AKR1B1: variants seen among roughly 807,000 people sequenced by gnomAD.
The protein encoded by AKR1B1 is aldo-keto reductase family 1 member B1.
A neutral mutation model predicts 40.4 loss-of-function variants in AKR1B1; 22 were observed. The ratio of observed to expected loss-of-function variants is 0.54; its 90% CI spans 0.39 to 0.78. The LOEUF (loss-of-function observed/expected upper bound fraction) is 0.78, where lower values mean the gene tolerates loss of function less well. AKR1B1 is among the 30% of genes least tolerant of loss of function. The pLI is 0.00. For synonymous variants in AKR1B1, 157 were observed against 149.9 expected (o/e 1.05, Z -0.35); for missense variants, 357 against 396.7 (o/e 0.90, Z 0.85).
chr7:134,454,766 T>C (rs547052899), intron 1 of AKR1B1, among the ~76,000 whole-genome samples: 40 of 152,096 alleles, frequency 2.6e-4, no homozygotes, highest in African/African-American at 9.6e-4. Context: ...GTAGGAAGCA[T>C]GAGAATGCTG....
chr7:134,455,677 G>A (rs74545735), intron 1 of AKR1B1, among the ~76,000 whole-genome samples: 1,715 of 152,090 alleles, frequency 0.011, 41 homozygotes, highest in African/African-American at 0.039. Flanking sequence ...TCTACCTTCT[G>A]GATTCAAGTG....
chr7:134,458,530 C>T (rs1806561115), intron 1 of AKR1B1, among the ~76,000 whole-genome samples: 1 of 152,172 alleles, frequency 6.6e-6, no homozygotes, highest in Non-Finnish European at 1.5e-5. Context: ...GTGAGGCAAC[C>T]GGGCTACAGG....
At chr7:134,444,302 G>GC (rs1371977170) in intron 9 of AKR1B1, among the ~76,000 whole-genome samples, 20 of 152,388 alleles carry the variant, frequency 1.3e-4, no homozygotes, top group Middle Eastern at 6.8e-3. Context: ...TGTGGCAGCA[G>GC]CAGGCTTGCC....
chr7:134,444,416 C>T (rs1415070645), intron 9 of AKR1B1, among the ~76,000 whole-genome samples: 4 of 152,196 alleles, frequency 2.6e-5, no homozygotes, highest in Admixed American at 6.5e-5. Flanking sequence ...GTGCAAACTC[C>T]GGGGAGGGAG....
intron 2 of AKR1B1, chr7:134,451,216 C>CTA (rs1324777969): frequency 7.6e-5 from 41 of 538,828 alleles, no homozygotes; most frequent in Non-Finnish European, 1.3e-4. Context: ...GCCCCATCCT[C>CTA]CTGCCTCATG....
chr7:134,456,639 A>G (rs1249254398), intron 1 of AKR1B1, among the ~76,000 whole-genome samples: 4 of 152,172 alleles, frequency 2.6e-5, no homozygotes, highest in Non-Finnish European at 5.9e-5. Flanking sequence ...CCACAGGAAT[A>G]CAAGTGGGCG....
intron 9 of AKR1B1, among the ~76,000 whole-genome samples, chr7:134,444,567 A>G (rs1806040601): frequency 6.6e-6 from 1 of 152,272 alleles, no homozygotes; most frequent in Non-Finnish European, 1.5e-5. Flanking sequence ...TGAGAGAGAA[A>G]CAGAGTCTCA....
chr7:134,453,099 C>G (rs1806340600), intron 1 of AKR1B1, among the ~76,000 whole-genome samples: 1 of 152,198 alleles, frequency 6.6e-6, no homozygotes, highest in African/African-American at 2.4e-5. Flanking sequence ...ACAACCACCA[C>G]TGATGACAGC....
At chr7:134,457,148 A>AAT (rs1806496407) in intron 1 of AKR1B1, among the ~76,000 whole-genome samples, 1 of 151,636 alleles carries the variant, frequency 6.6e-6, no homozygotes, top group Non-Finnish European at 1.5e-5. Context: ...AAAAAAAAAA[A>AAT]TAAACTTTTA....
rs1806059520 is a variant in AKR1B1, at chr7:134,445,269, T to C, written c.877A>G (p.Asn293Asp). ...AAGGCACAGACCCTCCAGTTCCTGT[T>C]GTAGCTGAGTAAGGTGGTCATATCC... ...SQDMTTLLSY[N>D]RNWRVCALLS... The change falls in exon 9 of 10, where the codon AAC (asparagine) becomes GAC (aspartate). Residue 293 changes from asparagine to aspartate, a missense_variant. Coordinates refer to ENST00000285930, the MANE Select transcript of AKR1B1 (RefSeq NM_001628.4). 1 of 1,612,716 alleles carries C rather than the reference T, an allele frequency of 6.2e-7. No individual in the cohort carries two copies. Among genetic ancestry groups the C allele is most frequent in the Admixed American group, 1.7e-5 (1 of 59,938 alleles).
At chr7:134,444,452 G>C (rs964748457) in intron 9 of AKR1B1, among the ~76,000 whole-genome samples, 1 of 152,240 alleles carries the variant, frequency 6.6e-6, no homozygotes, top group Non-Finnish European at 1.5e-5. Context: ...GAAAGGGAAA[G>C]CTGGTAGCCC....
At chr7:134,447,779 G>A in intron 7 of AKR1B1, 1 of 678,210 alleles carries the variant, frequency 1.5e-6, no homozygotes, top group Non-Finnish European at 2.7e-6. Flanking sequence ...GCAGTAGTGG[G>A]GGCAGGCACT....
At chr7:134,458,730 G>C (rs757762652) in intron 1 of AKR1B1, among the ~76,000 whole-genome samples, 2 of 152,256 alleles carry the variant, frequency 1.3e-5, no homozygotes, top group South Asian at 4.1e-4. Context: ...GGTTGCCCGC[G>C]GTAGGGCGGG....
upstream of AKR1B1, chr7:134,459,110 C>A (rs1176569201): frequency 1.9e-6 from 3 of 1,572,076 alleles, no homozygotes; most frequent in Non-Finnish European, 1.7e-6. Context: ...CGGCCTTGGC[C>A]GCGGCGCGTA....
At chr7:134,455,329 GA>G (rs35338055) in intron 1 of AKR1B1, among the ~76,000 whole-genome samples, 5 of 151,846 alleles carry the variant, frequency 3.3e-5, no homozygotes, top group African/African-American at 1.2e-4. Context: ...CAAATTAGGG[GA>G]AAAAAAAGTC....
intron 1 of AKR1B1, among the ~76,000 whole-genome samples, chr7:134,456,112 T>A (rs1030472548): frequency 6.6e-6 from 1 of 152,246 alleles, no homozygotes; most frequent in South Asian, 2.1e-4. Context: ...CAGGGCCTCC[T>A]CCAGCTGTCA....
chr7:134,451,476 C>T (rs902961834), intron 2 of AKR1B1, 110 bp downstream of exon 2: 3 of 1,348,880 alleles, frequency 2.2e-6, no homozygotes, highest in African/African-American at 1.4e-5. Context: ...CGGGAAGAAT[C>T]GCCCATCAGT....
intron 1 of AKR1B1, among the ~76,000 whole-genome samples, chr7:134,455,212 C>CA (rs561285547): frequency 3.3e-5 from 5 of 151,954 alleles, no homozygotes; most frequent in Admixed American, 6.6e-5. Flanking sequence ...TTCTCTGGGG[C>CA]AAAAAAACCC....
chr7:134,456,268 C>T (rs965452975), intron 1 of AKR1B1, among the ~76,000 whole-genome samples: 1 of 152,034 alleles, frequency 6.6e-6, no homozygotes, highest in Admixed American at 6.5e-5. Context: ...GGCGGGACCT[C>T]GGCTCACTGC....
Sources: allele counts gnomAD v4.1 joint callset (sites outside exome capture counted in the v4.1 genomes callset), GRCh38; gene constraint gnomAD v4.1.1; transcripts MANE v1.5; gene names NCBI Gene and HGNC (gene_info 2026-07-23, HGNC 2026-07-21).